Variants in ATL1 observed in about 807,000 individuals in gnomAD.
ATL1 encodes atlastin GTPase 1, also known as atlastin-1.
In ATL1, 31 loss-of-function variants were observed where a neutral mutation model predicts 75.5. That is an observed-to-expected ratio of 0.41 (90% CI 0.31 to 0.55). The LOEUF (loss-of-function observed/expected upper bound fraction) is 0.55, where lower values mean the gene tolerates loss of function less well. Among genes scored for constraint, ATL1 ranks in the 20% least tolerant of loss-of-function variants. ATL1 has a pLI of 0.27. For synonymous variants in ATL1, 226 were observed against 233.3 expected (o/e 0.97, Z 0.28); for missense variants, 405 against 662.6 (o/e 0.61, Z 4.27).
intron 5 of ATL1, among the ~76,000 whole-genome samples, chr14:50,594,931 C>A (rs1259087629): frequency 1.4e-5 from 2 of 143,424 alleles, no homozygotes; most frequent in African/African-American, 2.6e-5. Context: ...CCAGGGAGGT[C>A]AAGGCTGCAG....
At chr14:50,596,141 T>A (rs765703191) in intron 6 of ATL1, among the ~76,000 whole-genome samples, 1 of 152,112 alleles carries the variant, frequency 6.6e-6, no homozygotes, top group Non-Finnish European at 1.5e-5. Flanking sequence ...AATAGAGAAG[T>A]TCATAATAAT....
intron 6 of ATL1, among the ~76,000 whole-genome samples, chr14:50,603,706 A>G (rs1359150555): frequency 1.3e-5 from 2 of 152,230 alleles, no homozygotes; most frequent in Non-Finnish European, 2.9e-5. Flanking sequence ...CTTTGGTCAA[A>G]TATCTGTGAT....
chr14:50,622,446 C>A (rs1359035611), intron 10 of ATL1, among the ~76,000 whole-genome samples: 1 of 151,900 alleles, frequency 6.6e-6, no homozygotes, highest in East Asian at 1.9e-4. Flanking sequence ...GGCGGGCAGA[C>A]CACGAGGTCA....
intron 1 of ATL1, among the ~76,000 whole-genome samples, chr14:50,563,945 T>C (rs986505627): frequency 2.6e-5 from 4 of 152,190 alleles, no homozygotes; most frequent in Admixed American, 1.3e-4. Flanking sequence ...AGAGGTACCA[T>C]AGTTTCTAGG....
chr14:50,587,199 T>A (rs1471509090), intron 1 of ATL1, among the ~76,000 whole-genome samples: 2 of 151,834 alleles, frequency 1.3e-5, no homozygotes, highest in East Asian at 3.9e-4. Flanking sequence ...ACTACAACCA[T>A]TTTATTCCTC....
intron 1 of ATL1, among the ~76,000 whole-genome samples, chr14:50,579,579 A>C (rs2039037633): frequency 6.6e-6 from 1 of 152,212 alleles, no homozygotes; most frequent in Non-Finnish European, 1.5e-5. Flanking sequence ...GGTTATAATC[A>C]ATCTATTGAT....
Position 50,593,823 on chromosome 14 carries a change from T to C in ATL1, c.523-23T>C, listed in dbSNP as rs933839480. On this transcript the variant is annotated intron_variant, in intron 4 of 13. Transcript: ENST00000358385. ...AGGATGATGCCAGTTATCTTATCATTGTAATTTTATTTCTTTATCAAGGTA... is the reference window on the plus strand; with the variant it reads ...AGGATGATGCCAGTTATCTTATCATCGTAATTTTATTTCTTTATCAAGGTA... The C allele has an allele frequency of 4.0e-6, 6 of 1,502,556 alleles. No individual in the cohort carries two copies. In the African/African-American group the frequency reaches 6.9e-5, roughly 17 times the overall value. 93.1% of individuals were successfully genotyped at this position (1,502,556 alleles called of 1,614,324 possible).
At chr14:50,572,514 C>A (rs1252556597) in intron 1 of ATL1, among the ~76,000 whole-genome samples, 1 of 152,038 alleles carries the variant, frequency 6.6e-6, no homozygotes, top group African/African-American at 2.4e-5. Context: ...ATTTTCTCTG[C>A]TTAATTTTGT....
chr14:50,557,118 G>A (rs1185299413), upstream of ATL1, among the ~76,000 whole-genome samples: 2 of 151,932 alleles, frequency 1.3e-5, no homozygotes, highest in Non-Finnish European at 2.9e-5. Context: ...AGTTTATGAG[G>A]GTGCCAATTT....
intron 12 of ATL1, 112 bp from the exon 13 acceptor site, chr14:50,629,883 A>ATCTGT (rs201391967): frequency 4.6e-5 from 16 of 348,636 alleles, no homozygotes; most frequent in Non-Finnish European, 5.8e-5. Flanking sequence ...CTGCAGGAGT[A>ATCTGT]TCTGTTCTGA....
intron 1 of ATL1, chr14:50,533,372 G>A (rs1037386420): frequency 6.6e-6 from 1 of 152,100 alleles, no homozygotes; most frequent in Non-Finnish European, 1.5e-5. Flanking sequence ...AAGAGGGTAA[G>A]ATTTTGCATC....
chr14:50,587,563 C>T (rs979202718), intron 1 of ATL1, among the ~76,000 whole-genome samples: 3 of 151,246 alleles, frequency 2.0e-5, no homozygotes, highest in Non-Finnish European at 4.4e-5. Flanking sequence ...GCACGTGCTA[C>T]CACACCTGAC....
At chr14:50,539,777 G>C (rs942084880) in intron 1 of ATL1, among the ~76,000 whole-genome samples, 11 of 152,224 alleles carry the variant, frequency 7.2e-5, no homozygotes, top group African/African-American at 2.2e-4. Context: ...GATTTGCTCT[G>C]TTGACTTGAG....
intron 8 of ATL1, among the ~76,000 whole-genome samples, chr14:50,615,629 T>C (rs553116216): frequency 5.9e-5 from 9 of 152,362 alleles, no homozygotes; most frequent in Admixed American, 5.9e-4. Flanking sequence ...ATGGTACATA[T>C]GGATGACAGG....
chr14:50,571,468 CACTTCATCAGATTAAG>C (rs1245927977), intron 1 of ATL1, among the ~76,000 whole-genome samples: 4 of 152,330 alleles, frequency 2.6e-5, no homozygotes, highest in African/African-American at 9.6e-5. Context: ...TTTCCAGTCT[CACTTCATCAGATTAAG>C]ACTTCATCAG....
intron 1 of ATL1, among the ~76,000 whole-genome samples, chr14:50,550,738 C>T (rs1480744351): frequency 6.6e-6 from 1 of 152,104 alleles, no homozygotes; most frequent in Admixed American, 6.5e-5. Flanking sequence ...AAAATAGCTC[C>T]AAAAGGAATC....
intron 11 of ATL1, among the ~76,000 whole-genome samples, chr14:50,625,914 G>GA (rs368637913): frequency 5.0e-4 from 67 of 134,202 alleles, no homozygotes; most frequent in Non-Finnish European, 5.9e-4. Context: ...AAAAAAAAAA[G>GA]AAAAAAAAAA....
Position 50,628,380 on chromosome 14 carries a change from C to T in ATL1, c.1469C>T (p.Thr490Ile). The stretch of plus-strand genomic sequence containing the variant: ...GGACTGACCCTTATCACCCTGTGCA[C>T]TTGGGCATATATCCGGTACTCTGGA... Reference protein sequence around the residue: ...IMGLTLITLCTWAYIRYSGEY... With the variant: ...IMGLTLITLCIWAYIRYSGEY... Residue 490 changes from threonine to isoleucine, a missense_variant, in exon 12 of 14, where the codon ACT becomes ATT. Transcript: ENST00000358385. The T allele has an allele frequency of 1.2e-6, 2 of 1,614,106 alleles. No homozygotes were observed. Among genetic ancestry groups the T allele is most frequent in the Non-Finnish European group, 1.7e-6 (2 of 1,180,010 alleles).
chr14:50,621,504 A>G (rs1229406413), intron 9 of ATL1, among the ~76,000 whole-genome samples: 2 of 152,186 alleles, frequency 1.3e-5, no homozygotes, highest in East Asian at 3.8e-4. Context: ...GGTCTGTTCC[A>G]TAAAGCTTAT....
Sources: gnomAD v4.1 joint callset for allele counts (sites outside exome capture counted in the v4.1 genomes callset) on GRCh38, gnomAD v4.1.1 for gene constraint, MANE v1.5 for transcripts, NCBI Gene and HGNC (gene_info 2026-07-23, HGNC 2026-07-21) for gene names.